Variants in CNTN5 observed in about 807,000 individuals in gnomAD.
CNTN5 encodes the protein contactin 5.
In CNTN5, 77 loss-of-function variants were observed where a neutral mutation model predicts 129.1. The observed-to-expected ratio is 0.60, with a 90% CI of 0.50 to 0.72. The LOEUF (loss-of-function observed/expected upper bound fraction) is 0.72. CNTN5 is among the 30% of genes least tolerant of loss of function. The pLI, the probability that CNTN5 is intolerant of heterozygous loss-of-function variation, is 0.00. For missense variants in CNTN5, 1,478 were observed against 1,328.8 expected, an observed-to-expected ratio of 1.11 and a Z score of -1.75; for synonymous variants, 509 against 465.6, an observed-to-expected ratio of 1.09 and a Z score of -1.20.
intron 1 of CNTN5, among the ~76,000 whole-genome samples, chr11:99,251,231 C>T (rs543114568): frequency 2.0e-5 from 3 of 151,844 alleles, no homozygotes; most frequent in Non-Finnish European, 4.4e-5. Context: ...TCTTCCTCCC[C>T]ATCTGAATGA....
chr11:100,045,304 ATT>A (rs1942607721), intron 9 of CNTN5, among the ~76,000 whole-genome samples: 1 of 152,142 alleles, frequency 6.6e-6, no homozygotes, highest in South Asian at 2.1e-4. Flanking sequence ...GACAATAGTA[ATT>A]TTAACTTTAG....
chr11:99,835,507 T>C (rs879584932), intron 4 of CNTN5, among the ~76,000 whole-genome samples: 23 of 152,276 alleles, frequency 1.5e-4, no homozygotes, highest in Admixed American at 1.4e-3. Flanking sequence ...GCTGACATAA[T>C]GTCAGACTCT....
chr11:100,261,000 A>G (rs1033561107), intron 17 of CNTN5, among the ~76,000 whole-genome samples: 2 of 152,082 alleles, frequency 1.3e-5, no homozygotes, highest in African/African-American at 4.8e-5. Context: ...GAGAGGAAGT[A>G]AAATTGTCTC....
At chr11:99,641,140 G>A (rs1015870277) in intron 3 of CNTN5, among the ~76,000 whole-genome samples, 21 of 152,126 alleles carry the variant, frequency 1.4e-4, no homozygotes, top group Non-Finnish European at 2.8e-4. Context: ...GAGCTTGATC[G>A]GATAATCTTT....
At chr11:99,110,714 G>A (rs1243599971) in intron 1 of CNTN5, among the ~76,000 whole-genome samples, 1 of 152,066 alleles carries the variant, frequency 6.6e-6, no homozygotes, top group Non-Finnish European at 1.5e-5. Flanking sequence ...TACTGAAGAA[G>A]TTACATTATT....
intron 2 of CNTN5, among the ~76,000 whole-genome samples, chr11:99,358,071 A>G (rs138791874): frequency 1.4e-5 from 2 of 146,510 alleles, no homozygotes; most frequent in African/African-American, 5.0e-5. Context: ...ATTGAATAAT[A>G]AAATAACCTT....
chr11:99,181,823 G>T (rs114362576), intron 1 of CNTN5, among the ~76,000 whole-genome samples: 1 of 152,036 alleles, frequency 6.6e-6, no homozygotes, highest in African/African-American at 2.4e-5. Context: ...TGAATTCTCC[G>T]GTTCTGTATG....
chr11:99,635,947 T>G (rs1951534938), intron 3 of CNTN5, among the ~76,000 whole-genome samples: 1 of 152,160 alleles, frequency 6.6e-6, no homozygotes, highest in Non-Finnish European at 1.5e-5. Flanking sequence ...TTTGACTATT[T>G]GCAATGGAAA....
chr11:99,336,951 T>A (rs551073014), intron 2 of CNTN5, among the ~76,000 whole-genome samples: 15 of 151,606 alleles, frequency 9.9e-5, no homozygotes, highest in Admixed American at 9.2e-4. Context: ...GGTGTACAGA[T>A]TTTTTTTTAC....
rs371933230 is a variant in CNTN5, at chr11:99,975,122, C to T, written c.877+18113C>T. On this transcript the variant is annotated intron_variant, in intron 8 of 24. Coordinates refer to ENST00000524871, the MANE Select transcript of CNTN5 (RefSeq NM_014361.4). ...TTTGTTTAAATAAAAGACATAGCCT[C>T]AAGAAGCTTTTAGAGAATTGGAAAT... 2.8e-4 allele frequency among the ~76,000 whole-genome samples: 43 copies of T among 152,188 alleles called. No individual in the cohort carries two copies. The South Asian group carries it at 8.3e-3, about 29-fold the overall frequency.
At chr11:99,119,781 C>T (rs1858218683) in intron 1 of CNTN5, among the ~76,000 whole-genome samples, 2 of 152,090 alleles carry the variant, frequency 1.3e-5, no homozygotes, top group Non-Finnish European at 2.9e-5. Flanking sequence ...TTTTTCTCCA[C>T]AACCCCACCA....
intron 1 of CNTN5, among the ~76,000 whole-genome samples, chr11:99,224,481 C>T (rs1006570004): frequency 6.6e-6 from 1 of 151,942 alleles, no homozygotes; most frequent in African/African-American, 2.4e-5. Flanking sequence ...ACTTAAGTGA[C>T]ACTTCACACA....
chr11:99,028,625 G>C (rs1591067160), intron 1 of CNTN5, among the ~76,000 whole-genome samples: 1 of 151,920 alleles, frequency 6.6e-6, no homozygotes, highest in East Asian at 1.9e-4. Context: ...TTAAATGAAT[G>C]TGATGTTTTT....
At chr11:99,443,791 T>C (rs941578026) in intron 2 of CNTN5, among the ~76,000 whole-genome samples, 7 of 152,290 alleles carry the variant, frequency 4.6e-5, no homozygotes, top group African/African-American at 1.7e-4. Flanking sequence ...GGGTCATTAA[T>C]TTTACCAGTC....
intron 3 of CNTN5, among the ~76,000 whole-genome samples, chr11:99,677,490 C>T (rs942249687): frequency 6.6e-6 from 1 of 152,132 alleles, no homozygotes; most frequent in African/African-American, 2.4e-5. Flanking sequence ...TTAGTTAATA[C>T]ATGACCTTGA....
At chr11:99,238,786 T>C (rs1861404194) in intron 1 of CNTN5, among the ~76,000 whole-genome samples, 1 of 152,136 alleles carries the variant, frequency 6.6e-6, no homozygotes, top group Non-Finnish European at 1.5e-5. Flanking sequence ...AGATGAACTT[T>C]ATGCAATTAT....
chr11:99,361,044 C>A (rs1939074272), intron 2 of CNTN5, among the ~76,000 whole-genome samples: 2 of 152,180 alleles, frequency 1.3e-5, no homozygotes, highest in South Asian at 4.2e-4. Context: ...ACAATTCCAC[C>A]AAGTTCTTTG....
chr11:100,222,428 G>T lies in CNTN5; in HGVS notation c.1885-2264G>T, dbSNP rs78545133. On this transcript the variant is annotated intron_variant, in intron 15 of 24. Coordinates refer to ENST00000524871, the MANE Select transcript of CNTN5 (RefSeq NM_014361.4). ...TATCTGATTAAACTTATTTTTCACTGTAATTCCATGGAAACAAACAGGTTT... is the reference window on the plus strand; with the variant it reads ...TATCTGATTAAACTTATTTTTCACTTTAATTCCATGGAAACAAACAGGTTT... Among the ~76,000 whole-genome samples, 12 of 152,104 alleles carry T rather than the reference G, an allele frequency of 7.9e-5. No homozygotes were observed. The East Asian group carries it at 2.3e-3, about 29-fold the overall frequency.
At chr11:99,152,636 G>A (rs995967667) in intron 1 of CNTN5, among the ~76,000 whole-genome samples, 11 of 152,086 alleles carry the variant, frequency 7.2e-5, no homozygotes, top group African/African-American at 9.7e-5. Context: ...CGCTTAGCCC[G>A]TTTACCTTCA....
Sources: gnomAD v4.1 joint callset for allele counts (sites outside exome capture counted in the v4.1 genomes callset) on GRCh38, gnomAD v4.1.1 for gene constraint, MANE v1.5 for transcripts, NCBI Gene and HGNC (gene_info 2026-07-23, HGNC 2026-07-21) for gene names.